NFIB: variants seen among roughly 807,000 people sequenced by gnomAD.
The protein encoded by NFIB is nuclear factor I B.
In NFIB, 11 loss-of-function variants were observed where a neutral mutation model predicts 61.5. That is an observed-to-expected ratio of 0.18 (90% CI 0.11 to 0.30). NFIB has a LOEUF of 0.30. Ranked by LOEUF, NFIB falls within the 10% of genes least tolerant of loss-of-function variation. NFIB has a pLI of 1.00. For missense variants in NFIB, 471 were observed against 608.9 expected, an observed-to-expected ratio of 0.77 and a Z score of 2.38; for synonymous variants, 260 against 216.5, an observed-to-expected ratio of 1.20 and a Z score of -1.76.
chr9:14,439,118 C>G, the NFIB span, among the ~76,000 whole-genome samples: 1 of 152,146 alleles, frequency 6.6e-6, no homozygotes. Flanking sequence ...TGCCTAAAAT[C>G]CCAGCACTTT....
chr9:14,335,075 C>G lies in NFIB; in HGVS notation c.109-27555G>C, dbSNP rs980882051. On this transcript the variant is annotated intron_variant, in intron 1 of 8. Transcript: ENST00000380934. Reference sequence around the variant, plus strand: ...ATTGTATAACATAATTTATCTGTCACCTGTTGATGGACAATTAGGTTTTTT... The same window carrying G: ...ATTGTATAACATAATTTATCTGTCAGCTGTTGATGGACAATTAGGTTTTTT... Among the ~76,000 whole-genome samples, 4 of 152,154 alleles carry G rather than the reference C, an allele frequency of 2.6e-5. No homozygotes were observed. In the East Asian group the frequency reaches 7.7e-4, roughly 29 times the overall value.
At chr9:14,479,699 G>C in the NFIB span, among the ~76,000 whole-genome samples, 1 of 152,160 alleles carries the variant, frequency 6.6e-6, no homozygotes, top group African/African-American at 2.4e-5. Context: ...GTATTACAAA[G>C]GCTTCGCATA....
rs776126833 is a variant in NFIB at position 14,082,015 on chromosome 9, T to C, written c.*6294A>G. The C allele has an allele frequency of 3.8e-5, 8 of 211,618 alleles. No homozygotes were observed. The highest frequency in any genetic ancestry group is 6.8e-5 in the African/African-American group (3 of 44,084). The allele number at this position is 211,618 out of a possible 1,614,324, so 13.1% of individuals were successfully genotyped here. On this transcript the variant is annotated 3_prime_UTR_variant, in exon 11 of 11. Transcript: ENST00000380953. ...TACACCAGTTTAAAACTTGTGGCAA[T>C]TGAGTTCATTTGCAACCCACAAAAA...
chr9:14,354,035 G>A (rs1036341229), intron 1 of NFIB, among the ~76,000 whole-genome samples: 11 of 152,030 alleles, frequency 7.2e-5, no homozygotes, highest in Non-Finnish European at 1.0e-4. Flanking sequence ...AAAAACCAAA[G>A]GGGTTACAGT....
At chr9:14,443,227 T>C in the NFIB span, among the ~76,000 whole-genome samples, 3 of 151,986 alleles carry the variant, frequency 2.0e-5, no homozygotes, top group Admixed American at 1.3e-4. Context: ...TGAATGATCA[T>C]CTCCGTTCTC....
chr9:14,119,008 CAGT>C, intron 8 of NFIB, among the ~76,000 whole-genome samples: 1 of 151,710 alleles, frequency 6.6e-6, no homozygotes, highest in East Asian at 1.9e-4. Context: ...ATTAAGACAT[CAGT>C]TAAAAAAAAA....
At chr9:14,317,914 C>T (rs930156000), upstream of NFIB, among the ~76,000 whole-genome samples, 10 of 152,160 alleles carry the variant, frequency 6.6e-5, no homozygotes, top group East Asian at 1.9e-4. Context: ...TTTTCTAGCA[C>T]GTCTGTGTCG....
chr9:14,449,609 G>T, the NFIB span, among the ~76,000 whole-genome samples: 1 of 152,030 alleles, frequency 6.6e-6, no homozygotes, highest in South Asian at 2.1e-4. Flanking sequence ...TCATGCTGGG[G>T]CTGAAAAACA....
intron 2 of NFIB, among the ~76,000 whole-genome samples, chr9:14,217,869 C>T (rs2051131085): frequency 6.6e-6 from 1 of 152,022 alleles, no homozygotes; most frequent in Non-Finnish European, 1.5e-5. Context: ...AATACTCCTG[C>T]CACTGAGATA....
chr9:14,284,923 A>G (rs1385211974), intron 2 of NFIB, among the ~76,000 whole-genome samples: 2 of 152,148 alleles, frequency 1.3e-5, no homozygotes, highest in African/African-American at 4.8e-5. Context: ...TATTTGCCCT[A>G]TGTAGCCTTT....
the NFIB span, among the ~76,000 whole-genome samples, chr9:14,511,113 T>C: frequency 3.6e-4 from 55 of 152,328 alleles, no homozygotes; most frequent in Admixed American, 2.0e-3. Flanking sequence ...GTTTGTGTTA[T>C]ACTTGCCAAT....
At chr9:14,341,728 A>C (rs924931177) in intron 1 of NFIB, among the ~76,000 whole-genome samples, 5 of 152,158 alleles carry the variant, frequency 3.3e-5, no homozygotes, top group African/African-American at 1.2e-4. Flanking sequence ...CCACCAATTG[A>C]AGCTGGGGGC....
At chr9:14,453,200 T>C in the NFIB span, among the ~76,000 whole-genome samples, 1 of 152,310 alleles carries the variant, frequency 6.6e-6, no homozygotes, top group African/African-American at 2.4e-5. Context: ...CTGAAATGAC[T>C]CCCAGCAAAG....
chr9:14,328,571 A>G (rs1287877413), intron 1 of NFIB, among the ~76,000 whole-genome samples: 1 of 152,078 alleles, frequency 6.6e-6, no homozygotes, highest in Admixed American at 6.5e-5. Flanking sequence ...ATCCACCCAC[A>G]GTCCCATCAC....
At chr9:14,394,285 G>T (rs2061657782) in intron 1 of NFIB, among the ~76,000 whole-genome samples, 1 of 152,190 alleles carries the variant, frequency 6.6e-6, no homozygotes, top group Admixed American at 6.5e-5. Context: ...ATAGAGTAAT[G>T]ATTCTTGAGC....
intron 7 of NFIB, among the ~76,000 whole-genome samples, chr9:14,123,368 TG>T (rs562437136): frequency 1.9e-3 from 282 of 152,358 alleles, no homozygotes; most frequent in African/African-American, 6.3e-3. Flanking sequence ...CATACATTAT[TG>T]CAAAGCCTTA....
At position 14,207,919 on chromosome 9, in the gene NFIB, G is replaced by A. The variant is rs894454515; in HGVS notation, c.563-28139C>T. On this transcript the variant is annotated intron_variant, in intron 2 of 10. Transcript: ENST00000380953. Reference sequence around the variant, plus strand: ...CAGGGCTAAATGAGACTCAAGGAAAGAGCCCAAGGTCAAACATTTCCTTGG... The same window carrying A: ...CAGGGCTAAATGAGACTCAAGGAAAAAGCCCAAGGTCAAACATTTCCTTGG... Among the ~76,000 whole-genome samples, 3 of 152,214 alleles carry A rather than the reference G, an allele frequency of 2.0e-5. No individual in the cohort carries two copies. In the East Asian group the frequency reaches 5.8e-4, roughly 29 times the overall value.
intron 10 of NFIB, chr9:14,102,376 T>A (rs1283310750): frequency 2.0e-6 from 3 of 1,470,926 alleles, no homozygotes; most frequent in Non-Finnish European, 2.8e-6. Flanking sequence ...ATAGCTCATG[T>A]AATTTTTAGG....
the NFIB span, among the ~76,000 whole-genome samples, chr9:14,490,876 A>G: frequency 2.0e-5 from 3 of 152,240 alleles, no homozygotes; most frequent in East Asian, 3.8e-4. Flanking sequence ...CTCTAGATAT[A>G]TATTTTGTAA....
Sources: gnomAD v4.1 joint callset for allele counts (sites outside exome capture counted in the v4.1 genomes callset) on GRCh38, gnomAD v4.1.1 for gene constraint, MANE v1.5 for transcripts, NCBI Gene and HGNC (gene_info 2026-07-23, HGNC 2026-07-21) for gene names.